The following MYO5B variants were observed in gnomAD, a reference collection of about 807,000 sequenced individuals.
MYO5B encodes the protein unconventional myosin-Vb.
In MYO5B, 143 loss-of-function variants were observed where a neutral mutation model predicts 229.3. The ratio of observed to expected loss-of-function variants is 0.62; its 90% confidence interval spans 0.54 to 0.72. The LOEUF is 0.72. Ranked by LOEUF, MYO5B falls within the 30% of genes least tolerant of loss-of-function variation. The pLI is 0.00. For missense variants in MYO5B, 2,321 were observed against 2,331.0 expected, an observed-to-expected ratio of 1.00 and a Z score of 0.09; for synonymous variants, 918 against 885.2, an observed-to-expected ratio of 1.04 and a Z score of -0.66.
chr18:49,853,873 C>T (rs1016138373), intron 30 of MYO5B, among the ~76,000 whole-genome samples: 2 of 152,278 alleles, frequency 1.3e-5, no homozygotes, highest in African/African-American at 4.8e-5. Flanking sequence ...AAAGGCACTT[C>T]TGGTCCTAAG....
intron 1 of MYO5B, among the ~76,000 whole-genome samples, chr18:50,094,356 A>T (rs2031509459): frequency 6.6e-6 from 1 of 152,228 alleles, no homozygotes; most frequent in African/African-American, 2.4e-5. Flanking sequence ...AACTCTGAGC[A>T]GGTGGGCTTA....
rs114477589 is a variant in MYO5B at position 49,947,458 on chromosome 18, G to A, written c.1752+5802C>T. 3.6e-3 allele frequency among the ~76,000 whole-genome samples: 553 copies of A among 152,278 alleles called. 4 individuals are homozygous for A. The highest frequency in any genetic ancestry group is 0.013 in the African/African-American group (533 of 41,552). On this transcript the variant is annotated intron_variant, in intron 14 of 39. Coordinates refer to ENST00000285039, the MANE Select transcript of MYO5B (RefSeq NM_001080467.3). ...GACCCATACAAAGGATCACATTTCT[G>A]AGCGAAAAGAAGTTTTTAAATTTTT...
rs2023788089 is a variant in MYO5B at position 49,822,946 on chromosome 18, GTCTT to G, written c.*3521_*3524del. 1 of 152,166 alleles carries G rather than the reference GTCTT, an allele frequency of 6.6e-6. No individual in the cohort carries two copies. The highest frequency in any genetic ancestry group is 6.5e-5 in the Admixed American group (1 of 15,274). The allele number at this position is 152,166 out of a possible 1,614,324, so 9.4% of individuals were successfully genotyped here. A position where few individuals can be genotyped will look rare whatever the true frequency, so the allele number is the denominator to read the frequency against. ...AAGTGGGAAAATATTTTCATCAGTAGTCTTTCTTCCATGGTGTTGGATTCACCCC... is the reference window on the plus strand; with the variant it reads ...AAGTGGGAAAATATTTTCATCAGTAGTCTTCCATGGTGTTGGATTCACCCC... On this transcript the variant is annotated 3_prime_UTR_variant, in exon 40 of 40. Transcript: ENST00000285039.
chr18:50,055,476 T>A, intron 1 of MYO5B, 98 bp from the exon 2 acceptor site: 1 of 904,334 alleles, frequency 1.1e-6, no homozygotes, highest in Non-Finnish European at 1.8e-6. Flanking sequence ...GGAGAACTTC[T>A]AAAGCTATCT....
At chr18:50,127,318 C>A (rs565447258) in intron 1 of MYO5B, among the ~76,000 whole-genome samples, 4 of 152,340 alleles carry the variant, frequency 2.6e-5, no homozygotes, top group African/African-American at 9.6e-5. Flanking sequence ...GTTCTCCAAG[C>A]CCATCATCTT....
intron 9 of MYO5B, among the ~76,000 whole-genome samples, 190 bp from the exon 10 acceptor site, chr18:49,974,805 A>ACACACACACACACG (rs1398265315): frequency 2.0e-5 from 3 of 150,782 alleles, no homozygotes; most frequent in African/African-American, 7.3e-5. Flanking sequence ...ACAGACACAC[A>ACACACACACACACG]CACACACACA....
intron 39 of MYO5B, among the ~76,000 whole-genome samples, chr18:49,833,332 A>C (rs994682706): frequency 5.2e-4 from 79 of 152,378 alleles, no homozygotes; most frequent in African/African-American, 1.8e-3. Flanking sequence ...TTGCTTTAAC[A>C]AGTAACTTGT....
intron 24 of MYO5B, 53 bp downstream of exon 24, chr18:49,878,892 C>A: frequency 6.2e-7 from 1 of 1,608,380 alleles, no homozygotes; most frequent in Non-Finnish European, 8.5e-7. Flanking sequence ...TGGTCAGAAG[C>A]TGGACAGGAG....
chr18:49,933,299 A>C (rs1458790517), intron 16 of MYO5B, among the ~76,000 whole-genome samples: 1 of 152,108 alleles, frequency 6.6e-6, no homozygotes, highest in Non-Finnish European at 1.5e-5. Flanking sequence ...TGGATACTTC[A>C]TCTCTCTCTT....
intron 27 of MYO5B, 22 bp from the exon 28 acceptor site, chr18:49,864,402 G>T: frequency 6.2e-7 from 1 of 1,611,220 alleles, no homozygotes. Context: ...CCCAAGGGCC[G>T]CTGCCATTAC....
At chr18:50,115,555 C>T (rs576158267) in intron 1 of MYO5B, among the ~76,000 whole-genome samples, 1 of 125,046 alleles carries the variant, frequency 8.0e-6, no homozygotes, top group African/African-American at 3.5e-5. Context: ...GAGACACACA[C>T]ACACACACAC....
intron 1 of MYO5B, among the ~76,000 whole-genome samples, chr18:50,113,173 T>C (rs996845234): frequency 8.6e-5 from 13 of 151,776 alleles, no homozygotes; most frequent in African/African-American, 3.2e-4. Flanking sequence ...TCTCAAAAAA[T>C]ATTTGCTCAG....
intron 10 of MYO5B, among the ~76,000 whole-genome samples, chr18:49,964,138 A>C (rs1203531964): frequency 1.3e-5 from 2 of 152,234 alleles, no homozygotes; most frequent in East Asian, 3.8e-4. Flanking sequence ...AGAAATTACC[A>C]TGTCAAACAG....
In MYO5B at chr18:49,912,236, G is replaced by T. The variant is rs192714552; in HGVS notation, c.2091-63C>A. The T allele has an allele frequency of 2.9e-4, 370 of 1,260,066 alleles. 3 individuals carry two copies. The African/African-American group carries it at 3.8e-3, about 13-fold the overall frequency. The allele number at this position is 1,260,066 out of a possible 1,614,324, so 78.1% of individuals were successfully genotyped here. ...TGCCTCTTGGCCACACAAAAGCCAGGCGTGACCTCAGACAGTTCCCTATGG... is the reference window on the plus strand; with the variant it reads ...TGCCTCTTGGCCACACAAAAGCCAGTCGTGACCTCAGACAGTTCCCTATGG... On this transcript the variant is annotated intron_variant, in intron 17 of 39. Coordinates refer to ENST00000285039, the MANE Select transcript of MYO5B (RefSeq NM_001080467.3).
chr18:49,991,139 C>A (rs2025928041), intron 6 of MYO5B, among the ~76,000 whole-genome samples: 1 of 152,178 alleles, frequency 6.6e-6, no homozygotes, highest in Admixed American at 6.6e-5. Flanking sequence ...AGACCCACAC[C>A]CAACCCAGCA....
chr18:50,071,643 C>T (rs916109161), intron 1 of MYO5B, among the ~76,000 whole-genome samples: 1 of 152,246 alleles, frequency 6.6e-6, no homozygotes, highest in African/African-American at 2.4e-5. Flanking sequence ...AGTCTGATGA[C>T]ACTGCACTTC....
At chr18:49,904,475 T>A (rs1388487748) in intron 20 of MYO5B, among the ~76,000 whole-genome samples, 197 bp downstream of exon 20, 1 of 152,246 alleles carries the variant, frequency 6.6e-6, no homozygotes, top group Non-Finnish European at 1.5e-5. Flanking sequence ...TATAGCAACA[T>A]TTAATGGACT....
chr18:50,180,454 C>T (rs2033057266), intron 1 of MYO5B, among the ~76,000 whole-genome samples: 1 of 152,202 alleles, frequency 6.6e-6, no homozygotes, highest in Non-Finnish European at 1.5e-5. Context: ...GGACTCAAAA[C>T]CCAGGCCAAT....
chr18:50,112,558 C>T (rs764138317), intron 1 of MYO5B, among the ~76,000 whole-genome samples: 1 of 152,176 alleles, frequency 6.6e-6, no homozygotes, highest in Non-Finnish European at 1.5e-5. Flanking sequence ...TTTGAGCATG[C>T]ATTGTGCATG....
Sources: allele counts gnomAD v4.1 joint callset (sites outside exome capture counted in the v4.1 genomes callset), GRCh38; gene constraint gnomAD v4.1.1; transcripts MANE v1.5; gene names NCBI Gene and HGNC (gene_info 2026-07-23, HGNC 2026-07-21).